FAM107B: variants seen among roughly 807,000 people sequenced by gnomAD.
The protein encoded by FAM107B is family with sequence similarity 107 member B, also known as protein FAM107B.
Under a neutral mutation model 31.5 loss-of-function variants are expected in FAM107B, and 21 were observed. That is an observed-to-expected ratio of 0.67 (90% CI 0.47 to 0.96). The LOEUF is 0.96. Among genes scored for constraint, FAM107B ranks in the 40% least tolerant of loss-of-function variants. The pLI is 0.00. For synonymous variants in FAM107B, 157 were observed against 141.5 expected, an observed-to-expected ratio of 1.11 and a Z score of -0.78; for missense variants, 452 against 377.1, an observed-to-expected ratio of 1.20 and a Z score of -1.64.
intron 1 of FAM107B, among the ~76,000 whole-genome samples, chr10:14,689,270 C>T (rs1361261996): frequency 1.3e-5 from 2 of 151,520 alleles, no homozygotes; most frequent in Non-Finnish European, 2.9e-5. Context: ...GTCCCAGCTC[C>T]TCAGGAGGCT....
In FAM107B at chr10:14,682,295, G is replaced by A. The variant is rs369678569; in HGVS notation, c.412-14604C>T. On this transcript the variant is annotated intron_variant, in intron 1 of 4. Transcript: ENST00000181796. ...TGTAATCCCAGAACTTTGGGAGGCCGAGGTGGGTGGATCATCTGAGGTCAG... is the reference window on the plus strand; with the variant it reads ...TGTAATCCCAGAACTTTGGGAGGCCAAGGTGGGTGGATCATCTGAGGTCAG... 2.8e-3 allele frequency among the ~76,000 whole-genome samples: 433 copies of A among 152,294 alleles called. 2 individuals carry two copies. Among genetic ancestry groups the A allele is most frequent in the African/African-American group, 9.2e-3 (381 of 41,568 alleles).
intron 1 of FAM107B, among the ~76,000 whole-genome samples, chr10:14,712,144 G>A (rs1855663325): frequency 6.6e-6 from 1 of 152,114 alleles, no homozygotes; most frequent in African/African-American, 2.4e-5. Context: ...CAGATTTATT[G>A]ATAGTTTTCG....
chr10:14,723,478 T>C, intron 1 of FAM107B: 2 of 572,640 alleles, frequency 3.5e-6, no homozygotes, highest in South Asian at 1.5e-5. Flanking sequence ...CTGTCACGGG[T>C]GTTTACAGGA....
intron 2 of FAM107B, among the ~76,000 whole-genome samples, chr10:14,620,960 T>C (rs7096501): frequency 6.6e-6 from 1 of 152,348 alleles, no homozygotes; most frequent in Middle Eastern, 3.4e-3. Context: ...TTGTAAATTA[T>C]ACATTTTTAG....
chr10:14,546,409 C>T (rs911748830), intron 2 of FAM107B, among the ~76,000 whole-genome samples: 11 of 150,898 alleles, frequency 7.3e-5, no homozygotes, highest in Non-Finnish European at 1.5e-4. Context: ...ATTAACATTA[C>T]CTCTGGATCA....
At chr10:14,684,812 T>C (rs1854934215) in intron 1 of FAM107B, among the ~76,000 whole-genome samples, 1 of 136,240 alleles carries the variant, frequency 7.3e-6, no homozygotes, top group South Asian at 2.6e-4. Context: ...ACTTCTTCAG[T>C]GACTTTTTGT....
intron 2 of FAM107B, among the ~76,000 whole-genome samples, chr10:14,600,240 G>A (rs1039924951): frequency 3.3e-5 from 5 of 152,140 alleles, no homozygotes; most frequent in African/African-American, 7.2e-5. Flanking sequence ...TACCACAACC[G>A]GCTTCCCAGG....
At chr10:14,539,214 G>C (rs7082541) in intron 2 of FAM107B, among the ~76,000 whole-genome samples, 18,259 of 152,250 alleles carry the variant, frequency 0.12, 1,197 homozygotes, top group Non-Finnish European at 0.15. Flanking sequence ...TGTGGACAGG[G>C]AAGGGAGAAA....
chr10:14,636,271 CAAAA>C (rs56401366), intron 2 of FAM107B, among the ~76,000 whole-genome samples: 1 of 85,286 alleles, frequency 1.2e-5, no homozygotes, highest in Non-Finnish European at 2.7e-5. Context: ...AAAAAGGAGC[CAAAA>C]AAAAAAAAAA....
intron 2 of FAM107B, among the ~76,000 whole-genome samples, chr10:14,540,586 C>G (rs1374888382): frequency 6.6e-6 from 1 of 152,218 alleles, no homozygotes; most frequent in Non-Finnish European, 1.5e-5. Context: ...CTTCCTCTTC[C>G]CTCCCTTTAA....
chr10:14,635,741 C>T (rs1472832980), intron 2 of FAM107B, among the ~76,000 whole-genome samples: 1 of 152,090 alleles, frequency 6.6e-6, no homozygotes, highest in African/African-American at 2.4e-5. Flanking sequence ...AAGCAATTCT[C>T]CTGCCTCAGC....
At chr10:14,533,814 TTC>T (rs575875017) in intron 2 of FAM107B, among the ~76,000 whole-genome samples, 156 of 152,322 alleles carry the variant, frequency 1.0e-3, no homozygotes, top group African/African-American at 3.6e-3. Context: ...TTTTTCTGAC[TTC>T]TCTTTAGATT....
At chr10:14,525,475 A>G (rs2130794309) in intron 3 of FAM107B, among the ~76,000 whole-genome samples, 1 of 152,334 alleles carries the variant, frequency 6.6e-6, no homozygotes, top group Admixed American at 6.5e-5. Flanking sequence ...CCTCTCCATT[A>G]AACGAATCGA....
intron 2 of FAM107B, among the ~76,000 whole-genome samples, chr10:14,564,535 T>C (rs2131201534): frequency 6.6e-6 from 1 of 151,692 alleles, no homozygotes; most frequent in East Asian, 1.9e-4. Context: ...TAAAATATTA[T>C]AAAAACATTT....
chr10:14,705,471 T>C (rs1436011013), intron 1 of FAM107B, among the ~76,000 whole-genome samples: 2 of 152,086 alleles, frequency 1.3e-5, no homozygotes, highest in African/African-American at 2.4e-5. Flanking sequence ...AAATTTTCCC[T>C]GATAGAAAAA....
intron 2 of FAM107B, among the ~76,000 whole-genome samples, chr10:14,622,051 A>C (rs964987109): frequency 6.6e-6 from 1 of 152,202 alleles, no homozygotes; most frequent in Non-Finnish European, 1.5e-5. Flanking sequence ...CAGTCTCTCC[A>C]TGGAGTAACA....
chr10:14,678,512 T>A (rs1854745737), intron 1 of FAM107B, among the ~76,000 whole-genome samples: 1 of 152,066 alleles, frequency 6.6e-6, no homozygotes, highest in African/African-American at 2.4e-5. Context: ...CAAACCTAAT[T>A]CGGGACCTCC....
intron 2 of FAM107B, among the ~76,000 whole-genome samples, chr10:14,552,949 C>T (rs1018753894): frequency 1.1e-4 from 16 of 152,328 alleles, no homozygotes; most frequent in African/African-American, 3.4e-4. Flanking sequence ...CTTAAACTTG[C>T]CACAGTAATT....
At chr10:14,561,003 G>A (rs1341941598) in intron 2 of FAM107B, among the ~76,000 whole-genome samples, 1 of 152,190 alleles carries the variant, frequency 6.6e-6, no homozygotes, top group Non-Finnish European at 1.5e-5. Context: ...TCAACTGGGT[G>A]TCAGGCACAG....
Sources: gnomAD v4.1 joint callset for allele counts (sites outside exome capture counted in the v4.1 genomes callset) on GRCh38, gnomAD v4.1.1 for gene constraint, MANE v1.5 for transcripts, NCBI Gene and HGNC (gene_info 2026-07-23, HGNC 2026-07-21) for gene names.